TBC1D22A: variants seen among roughly 807,000 people sequenced by gnomAD.
TBC1D22A encodes the protein TBC1 domain family member 22A.
Under a neutral mutation model 60.2 loss-of-function variants are expected in TBC1D22A, and 38 were observed. That is an observed-to-expected ratio of 0.63 (90% CI 0.49 to 0.83). The LOEUF is 0.83. TBC1D22A is among the 40% of genes least tolerant of loss of function. The pLI, the probability that TBC1D22A is intolerant of heterozygous loss-of-function variation, is 0.00. For missense variants in TBC1D22A, 628 were observed against 701.0 expected, an observed-to-expected ratio of 0.90 and a Z score of 1.18; for synonymous variants, 302 against 281.7, an observed-to-expected ratio of 1.07 and a Z score of -0.72.
chr22:46,815,266 G>T (rs929281585), intron 4 of TBC1D22A, among the ~76,000 whole-genome samples: 1 of 152,166 alleles, frequency 6.6e-6, no homozygotes. Context: ...AGAGCTGTGC[G>T]GCGGTCGCTT....
intron 11 of TBC1D22A, among the ~76,000 whole-genome samples, chr22:47,065,679 C>T (rs942400292): frequency 6.6e-6 from 1 of 152,256 alleles, no homozygotes; most frequent in Non-Finnish European, 1.5e-5. Context: ...TGAGTCACAT[C>T]CTCAGTTTCC....
intron 4 of TBC1D22A, among the ~76,000 whole-genome samples, chr22:46,871,678 C>T (rs2067299476): frequency 1.3e-5 from 2 of 152,168 alleles, no homozygotes; most frequent in South Asian, 4.1e-4. Flanking sequence ...TTGTGTGATG[C>T]AGCTAAAACA....
chr22:46,782,614 C>A (rs1054975068), intron 1 of TBC1D22A, among the ~76,000 whole-genome samples: 3 of 152,220 alleles, frequency 2.0e-5, no homozygotes, highest in African/African-American at 7.2e-5. Context: ...CAGAGAGCAA[C>A]GCTGTACCTG....
intron 7 of TBC1D22A, among the ~76,000 whole-genome samples, chr22:46,901,366 T>G (rs1293577476): frequency 2.6e-5 from 4 of 152,248 alleles, no homozygotes; most frequent in African/African-American, 9.6e-5. Flanking sequence ...AATAGTGATG[T>G]GATCCTTGGT....
intron 4 of TBC1D22A, among the ~76,000 whole-genome samples, chr22:46,852,122 G>A (rs934281974): frequency 1.3e-5 from 2 of 152,222 alleles, no homozygotes; most frequent in African/African-American, 4.8e-5. Context: ...TCCCAGGCGT[G>A]CTGCAGCTGC....
intron 12 of TBC1D22A, among the ~76,000 whole-genome samples, chr22:47,169,319 A>G (rs1452793285): frequency 6.6e-6 from 1 of 152,082 alleles, no homozygotes; most frequent in Non-Finnish European, 1.5e-5. Context: ...CTTGTGATTC[A>G]TGATGTGTCC....
chr22:46,803,145 A>G (rs2084969634), intron 4 of TBC1D22A, among the ~76,000 whole-genome samples: 1 of 151,152 alleles, frequency 6.6e-6, no homozygotes. Flanking sequence ...AGACTGTGTT[A>G]TCAGCCACCA....
chr22:46,895,574 G>A (rs1014032595), intron 7 of TBC1D22A, among the ~76,000 whole-genome samples: 2 of 152,130 alleles, frequency 1.3e-5, no homozygotes, highest in Admixed American at 1.3e-4. Context: ...GATTTGCCTT[G>A]TTGGCCAGGC....
At chr22:47,023,724 C>T (rs2062162489) in intron 10 of TBC1D22A, among the ~76,000 whole-genome samples, 1 of 152,148 alleles carries the variant, frequency 6.6e-6, no homozygotes, top group African/African-American at 2.4e-5. Context: ...ACCAGAGAAA[C>T]CTGTTAACCA....
intron 2 of TBC1D22A, 49 bp downstream of exon 2, chr22:46,792,625 G>A: frequency 6.2e-7 from 1 of 1,614,076 alleles, no homozygotes; most frequent in Non-Finnish European, 8.5e-7. Flanking sequence ...GATATGGGAG[G>A]GCTGTGGCAA....
chr22:46,943,168 G>T (rs1330305729), intron 8 of TBC1D22A, among the ~76,000 whole-genome samples: 1 of 152,124 alleles, frequency 6.6e-6, no homozygotes, highest in Admixed American at 6.5e-5. Flanking sequence ...GTCCTCCGAA[G>T]GGAGCTGCCC....
intron 12 of TBC1D22A, among the ~76,000 whole-genome samples, 183 bp downstream of exon 12, chr22:47,111,786 G>A (rs557476424): frequency 2.6e-5 from 4 of 151,092 alleles, no homozygotes; most frequent in Non-Finnish European, 4.4e-5. Context: ...CAGTGGTCAC[G>A]TGGTCACAGC....
At chr22:47,012,516 G>A (rs1439552024) in intron 10 of TBC1D22A, among the ~76,000 whole-genome samples, 1 of 152,086 alleles carries the variant, frequency 6.6e-6, no homozygotes, top group East Asian at 1.9e-4. Flanking sequence ...TTGGAAGAGG[G>A]GTATGGCCTT....
chr22:46,910,486 T>C (rs2147773458), intron 7 of TBC1D22A, among the ~76,000 whole-genome samples: 1 of 152,244 alleles, frequency 6.6e-6, no homozygotes, highest in South Asian at 2.1e-4. Flanking sequence ...GGCAGCGATG[T>C]AATTCATCCA....
At chr22:46,988,661 A>C (rs1409817164) in intron 9 of TBC1D22A, among the ~76,000 whole-genome samples, 2 of 152,258 alleles carry the variant, frequency 1.3e-5, no homozygotes, top group Non-Finnish European at 2.9e-5. Flanking sequence ...AATACTTGGT[A>C]AACCCTGCTG....
intron 8 of TBC1D22A, among the ~76,000 whole-genome samples, chr22:46,920,800 T>A (rs5769247): frequency 0.78 from 118,057 of 151,180 alleles, 46,432 homozygotes; most frequent in African/African-American, 0.87. Context: ...TTTGAGATGG[T>A]GTCTCTGTTG....
intron 7 of TBC1D22A, among the ~76,000 whole-genome samples, chr22:46,905,543 G>A (rs74357589): frequency 0.026 from 4,010 of 152,350 alleles, 168 homozygotes; most frequent in African/African-American, 0.091. Flanking sequence ...AGCCGGCCCC[G>A]GGGAGGAGGG....
At chr22:46,985,987 C>T (rs117449195) in intron 9 of TBC1D22A, among the ~76,000 whole-genome samples, 4,552 of 152,156 alleles carry the variant, frequency 0.03, 86 homozygotes, top group Non-Finnish European at 0.045. Flanking sequence ...TTTCTGTGTC[C>T]TGCCTACCTC....
intron 4 of TBC1D22A, among the ~76,000 whole-genome samples, chr22:46,838,115 A>G (rs2147196115): frequency 6.6e-6 from 1 of 152,352 alleles, no homozygotes; most frequent in South Asian, 2.1e-4. Context: ...GGAACTAGAA[A>G]AAGAAGAACA....
Sources: gnomAD v4.1 joint callset for allele counts (sites outside exome capture counted in the v4.1 genomes callset) on GRCh38, gnomAD v4.1.1 for gene constraint, MANE v1.5 for transcripts, NCBI Gene and HGNC (gene_info 2026-07-23, HGNC 2026-07-21) for gene names.